The following RAPGEF4 variants were observed in gnomAD, a reference collection of about 807,000 sequenced individuals.
The protein encoded by RAPGEF4 is RAP guanine-nucleotide-exchange factor (GEF) 4.
In RAPGEF4, 66 loss-of-function variants were observed where a neutral mutation model predicts 147.9. The observed-to-expected ratio is 0.45, with a 90% CI of 0.37 to 0.55. The LOEUF is 0.55. RAPGEF4 is among the 20% of genes least tolerant of loss of function. RAPGEF4 has a pLI of 0.00. For missense variants in RAPGEF4, 1,071 were observed against 1,257.3 expected (o/e 0.85, Z 2.24); for synonymous variants, 419 against 442.7 (o/e 0.95, Z 0.67).
intron 4 of RAPGEF4, among the ~76,000 whole-genome samples, chr2:172,873,756 C>T (rs972523045): frequency 8.6e-5 from 13 of 151,916 alleles, no homozygotes; most frequent in Non-Finnish European, 1.2e-4. Context: ...CAGAGTGAAC[C>T]GACAACCTAA....
At chr2:172,825,076 G>C (rs1485728748) in intron 4 of RAPGEF4, among the ~76,000 whole-genome samples, 2 of 152,148 alleles carry the variant, frequency 1.3e-5, no homozygotes, top group Non-Finnish European at 2.9e-5. Flanking sequence ...TATATATACA[G>C]ATGCTCCTCG....
At chr2:172,838,457 C>T (rs1230817152) in intron 4 of RAPGEF4, among the ~76,000 whole-genome samples, 2 of 152,038 alleles carry the variant, frequency 1.3e-5, no homozygotes, top group Non-Finnish European at 2.9e-5. Flanking sequence ...ATTAAATAAG[C>T]CAGCTTTTGG....
At chr2:172,976,187 T>C (rs1691045697) in intron 10 of RAPGEF4, among the ~76,000 whole-genome samples, 1 of 152,166 alleles carries the variant, frequency 6.6e-6, no homozygotes, top group African/African-American at 2.4e-5. Flanking sequence ...AACGTCCTTT[T>C]TGGGGTTAAA....
At chr2:172,770,366 G>A (rs1399859856) in intron 1 of RAPGEF4, among the ~76,000 whole-genome samples, 1 of 152,182 alleles carries the variant, frequency 6.6e-6, no homozygotes. Flanking sequence ...TTTAGGGGAA[G>A]TTCCCAACAC....
At chr2:172,836,147 T>A (rs1298295258) in intron 4 of RAPGEF4, among the ~76,000 whole-genome samples, 2 of 152,122 alleles carry the variant, frequency 1.3e-5, no homozygotes, top group Admixed American at 1.3e-4. Flanking sequence ...TAGATGCAAA[T>A]TAGTGAAAAA....
chr2:173,008,492 A>G (rs1559181119), intron 17 of RAPGEF4, among the ~76,000 whole-genome samples: 2 of 152,212 alleles, frequency 1.3e-5, no homozygotes. Flanking sequence ...CAGTGGGCAG[A>G]TGACCCCCAA....
At chr2:172,758,723 A>G (rs1171940398) in intron 1 of RAPGEF4, among the ~76,000 whole-genome samples, 1 of 152,204 alleles carries the variant, frequency 6.6e-6, no homozygotes, top group Non-Finnish European at 1.5e-5. Flanking sequence ...ATCTGTTATG[A>G]CGCGGAAGGC....
In RAPGEF4 at chr2:172,746,212, G is replaced by A. The variant is rs550798818; in HGVS notation, c.65+10164G>A. On this transcript the variant is annotated intron_variant, in intron 1 of 30. Coordinates refer to ENST00000397081, the MANE Select transcript of RAPGEF4 (RefSeq NM_007023.4). ...AGACTTTGGTGTCAGCCAAACTGGG[G>A]GAAAATTACATTCTTGTTTGGCTAT... Among the ~76,000 whole-genome samples the A allele has an allele frequency of 1.2e-4, 19 of 152,286 alleles. No individual in the cohort carries two copies. The South Asian group carries it at 3.9e-3, about 32-fold the overall frequency.
At chr2:172,819,458 G>GTTTTTTTTTT (rs1553514342) in intron 4 of RAPGEF4, among the ~76,000 whole-genome samples, 3 of 79,692 alleles carry the variant, frequency 3.8e-5, no homozygotes, top group Non-Finnish European at 5.4e-5. Context: ...ACCATTTTTA[G>GTTTTTTTTTT]TTCTTTTTTT....
At chr2:173,020,322 T>C (rs1695952844) in intron 22 of RAPGEF4, among the ~76,000 whole-genome samples, 1 of 9,534 alleles carries the variant, frequency 1.0e-4, no homozygotes, top group Non-Finnish European at 4.9e-3. Flanking sequence ...GTGAGATAAA[T>C]AGCCAAGTGC....
intron 17 of RAPGEF4, among the ~76,000 whole-genome samples, chr2:173,003,704 TTC>T (rs68139801): frequency 0.76 from 112,979 of 148,994 alleles, 42,725 homozygotes; most frequent in East Asian, 1. Context: ...CCTTTTTTTT[TTC>T]TCTCTCTCTC....
chr2:172,756,490 TC>T (rs1436137997), intron 1 of RAPGEF4, among the ~76,000 whole-genome samples: 1 of 152,202 alleles, frequency 6.6e-6, no homozygotes, highest in Non-Finnish European at 1.5e-5. Context: ...CCATACCTAT[TC>T]TGCTATACCT....
chr2:172,918,897 C>T (rs536733746), intron 5 of RAPGEF4, among the ~76,000 whole-genome samples: 1 of 152,246 alleles, frequency 6.6e-6, no homozygotes, highest in African/African-American at 2.4e-5. Flanking sequence ...CCCTCGCTGA[C>T]CAGTCACTCA....
intron 6 of RAPGEF4, among the ~76,000 whole-genome samples, chr2:172,931,861 T>A (rs1235056407): frequency 6.6e-6 from 1 of 152,106 alleles, no homozygotes; most frequent in Non-Finnish European, 1.5e-5. Flanking sequence ...AGTAAAAGGA[T>A]TTGTAACATA....
At chr2:172,803,670 C>T (rs1687197422) in intron 3 of RAPGEF4, among the ~76,000 whole-genome samples, 1 of 152,206 alleles carries the variant, frequency 6.6e-6, no homozygotes, top group Admixed American at 6.5e-5. Context: ...AATTTCTTCT[C>T]AGAAAATGGG....
intron 1 of RAPGEF4, among the ~76,000 whole-genome samples, chr2:172,751,974 A>G (rs1488882827): frequency 6.0e-5 from 1 of 16,760 alleles, no homozygotes; most frequent in African/African-American, 8.5e-5. Context: ...AAAGATGTGA[A>G]AAATATGTTT....
At chr2:172,800,939 TG>T (rs1686918138) in intron 3 of RAPGEF4, among the ~76,000 whole-genome samples, 2 of 152,158 alleles carry the variant, frequency 1.3e-5, no homozygotes, top group South Asian at 4.1e-4. Context: ...GAAATGGGGT[TG>T]GGTGAAGGCC....
intron 1 of RAPGEF4, among the ~76,000 whole-genome samples, chr2:172,738,593 A>G (rs2149411403): frequency 6.6e-6 from 1 of 151,668 alleles, no homozygotes; most frequent in East Asian, 1.9e-4. Flanking sequence ...CCAACCACAA[A>G]TTCCTCTTGT....
chr2:172,786,717 A>T (rs1185027295), intron 1 of RAPGEF4, among the ~76,000 whole-genome samples: 1 of 152,030 alleles, frequency 6.6e-6, no homozygotes, highest in Non-Finnish European at 1.5e-5. Context: ...TCTACAAAAA[A>T]TTTTCAAAAT....
Sources: allele counts gnomAD v4.1 joint callset (sites outside exome capture counted in the v4.1 genomes callset), GRCh38; gene constraint gnomAD v4.1.1; transcripts MANE v1.5; gene names NCBI Gene and HGNC (gene_info 2026-07-23, HGNC 2026-07-21).